PRKN: variants seen among roughly 807,000 people sequenced by gnomAD.
The protein encoded by PRKN is parkin RBR E3 ubiquitin protein ligase.
In PRKN, 56 loss-of-function variants were observed where a neutral mutation model predicts 59.5. The ratio of observed to expected loss-of-function variants is 0.94; its 90% confidence interval spans 0.76 to 1.18. The LOEUF (loss-of-function observed/expected upper bound fraction) is 1.18. Among genes scored for constraint, PRKN ranks in the 50% most tolerant of loss-of-function variants. PRKN has a pLI of 0.00. For synonymous variants in PRKN, 250 were observed against 222.1 expected, an observed-to-expected ratio of 1.13 and a Z score of -1.12; for missense variants, 657 against 596.4, an observed-to-expected ratio of 1.10 and a Z score of -1.06.
chr6:161,476,048 G>A (rs896663884), intron 9 of PRKN, among the ~76,000 whole-genome samples: 1 of 151,878 alleles, frequency 6.6e-6, no homozygotes, highest in African/African-American at 2.4e-5. Context: ...TTAGCCGGGC[G>A]TGGTGGCGGG....
At position 162,369,362 on chromosome 6, in the gene PRKN, TATC is replaced by T. The variant is rs144603300; in HGVS notation, c.171+73945_171+73947del. Among the ~76,000 whole-genome samples the T allele has an allele frequency of 1.9e-3, 292 of 152,270 alleles. 1 individual carries two copies. The highest frequency in any genetic ancestry group is 6.6e-3 in the African/African-American group (275 of 41,564). ...CTAAGAAAACTCTAGTTCTATGAAA[TATC>T]ATTCCACCTGAGAAAATTTTCACAT... is the stretch of plus-strand genomic sequence containing the variant. On this transcript the variant is annotated intron_variant, in intron 2 of 11. Transcript: ENST00000366898.
At chr6:162,397,640 C>A (rs1787542206) in intron 2 of PRKN, among the ~76,000 whole-genome samples, 1 of 152,090 alleles carries the variant, frequency 6.6e-6, no homozygotes, top group African/African-American at 2.4e-5. Flanking sequence ...TTAAGGAGGT[C>A]TAGAAAAGCT....
At chr6:162,372,903 T>C (rs1336935802) in intron 2 of PRKN, among the ~76,000 whole-genome samples, 1 of 152,200 alleles carries the variant, frequency 6.6e-6, no homozygotes, top group African/African-American at 2.4e-5. Context: ...ACTGAGTATG[T>C]AGAATGGAAG....
rs558649701 is a variant in PRKN, at chr6:161,460,300, C to T, written c.1084-73423G>A. Among the ~76,000 whole-genome samples, 3 of 152,168 alleles carry T rather than the reference C, an allele frequency of 2.0e-5. No homozygotes were observed. Among genetic ancestry groups the T allele is most frequent in the Admixed American group, 1.3e-4 (2 of 15,288 alleles). On this transcript the variant is annotated intron_variant, in intron 9 of 11. Transcript: ENST00000366898. The surrounding 1 kb of genome is among the most constrained non-coding windows in gnomAD (Gnocchi z 5.0). The stretch of plus-strand genomic sequence containing the variant: ...TGTTTACAGAGGAGAGTGCCTTTGA[C>T]CAAGATCTTGAAAAGTGGGTTAGAT...
intron 4 of PRKN, among the ~76,000 whole-genome samples, chr6:162,167,999 T>C (rs1005626350): frequency 2.0e-5 from 3 of 152,152 alleles, no homozygotes; most frequent in Admixed American, 2.0e-4. Flanking sequence ...CACATGACAT[T>C]TATTGAGATG....
chr6:162,235,969 GAAAGA>G (rs1583243000), intron 3 of PRKN, among the ~76,000 whole-genome samples: 16 of 76,586 alleles, frequency 2.1e-4, no homozygotes, highest in Admixed American at 2.8e-4. Context: ...AAGAAAGAAA[GAAAGA>G]AAGAAAGAAA....
chr6:161,747,449 AAGAG>A (rs907565411), intron 7 of PRKN, among the ~76,000 whole-genome samples: 21 of 151,818 alleles, frequency 1.4e-4, no homozygotes, highest in South Asian at 4.2e-4. Context: ...ATTGCAGAGA[AAGAG>A]AGAGAGAGGA....
At chr6:162,577,744 C>G (rs1395790855) in intron 1 of PRKN, among the ~76,000 whole-genome samples, 1 of 152,072 alleles carries the variant, frequency 6.6e-6, no homozygotes, top group Non-Finnish European at 1.5e-5. Flanking sequence ...GCCTCAGTAA[C>G]ATAGTGAGGA....
At chr6:162,303,424 A>G (rs1408906280) in intron 2 of PRKN, among the ~76,000 whole-genome samples, 2 of 152,124 alleles carry the variant, frequency 1.3e-5, no homozygotes, top group Non-Finnish European at 2.9e-5. Flanking sequence ...TTCCTTTCAG[A>G]ACCACTTATG....
At chr6:161,916,515 C>T (rs1261216587) in intron 6 of PRKN, among the ~76,000 whole-genome samples, 1 of 152,126 alleles carries the variant, frequency 6.6e-6, no homozygotes, top group Non-Finnish European at 1.5e-5. Context: ...GAGATGTGAA[C>T]AGAATCAGGA....
intron 7 of PRKN, among the ~76,000 whole-genome samples, chr6:161,722,177 A>G (rs1031311729): frequency 1.3e-5 from 2 of 152,122 alleles, no homozygotes; most frequent in African/African-American, 4.8e-5. Context: ...AAACCAAAAA[A>G]CTATTTTCTG....
At chr6:162,478,631 T>C (rs1017360017) in intron 1 of PRKN, among the ~76,000 whole-genome samples, 1 of 152,058 alleles carries the variant, frequency 6.6e-6, no homozygotes, top group Non-Finnish European at 1.5e-5. Context: ...AGGACACATT[T>C]TAAGAATTGC....
chr6:162,224,542 T>C (rs80027091), intron 3 of PRKN, among the ~76,000 whole-genome samples: 12,747 of 152,190 alleles, frequency 0.084, 705 homozygotes, highest in African/African-American at 0.16. Context: ...CATCCACTAA[T>C]GTGCATGTGG....
chr6:162,545,720 C>A (rs1779091792), intron 1 of PRKN, among the ~76,000 whole-genome samples: 1 of 152,086 alleles, frequency 6.6e-6, no homozygotes, highest in Non-Finnish European at 1.5e-5. Context: ...TTGAATTAAT[C>A]ACAGATTATA....
chr6:161,614,015 T>C (rs529914706), intron 7 of PRKN, among the ~76,000 whole-genome samples: 49 of 152,164 alleles, frequency 3.2e-4, no homozygotes, highest in Admixed American at 8.5e-4. Context: ...GGATGTAGGA[T>C]TGAGGTCCCT....
At chr6:161,769,653 G>T (rs1164907421) in intron 7 of PRKN, among the ~76,000 whole-genome samples, 2 of 152,168 alleles carry the variant, frequency 1.3e-5, no homozygotes, top group African/African-American at 4.8e-5. Flanking sequence ...GATCTTAGGG[G>T]TGTGTGCTAT....
rs1470760777 is a variant in PRKN, at chr6:161,588,278, G to A, written c.872-18862C>T. Among the ~76,000 whole-genome samples the A allele has an allele frequency of 1.3e-5, 2 of 152,112 alleles. No individual in the cohort carries two copies. Among genetic ancestry groups the A allele is most frequent in the Admixed American group, 6.5e-5 (1 of 15,278 alleles). On this transcript the variant is annotated intron_variant, in intron 7 of 11. Coordinates refer to ENST00000366898, the MANE Select transcript of PRKN (RefSeq NM_004562.3). This position sits in a 1 kb window ranked among gnomAD's most constrained non-coding sequence, Gnocchi z 5.0. The stretch of plus-strand genomic sequence containing the variant: ...TCATGCCTATAATCCCAGCTACCTG[G>A]GAGGCTGAGGCAGGAGAATTGCCTC...
At chr6:161,478,461 A>C (rs11968004) in intron 9 of PRKN, among the ~76,000 whole-genome samples, 1,581 of 152,296 alleles carry the variant, frequency 0.01, 29 homozygotes, top group African/African-American at 0.036. Context: ...ATAGTTACAC[A>C]TGTGATAATT....
chr6:161,968,067 C>T (rs1780648606), intron 6 of PRKN, among the ~76,000 whole-genome samples: 1 of 152,054 alleles, frequency 6.6e-6, no homozygotes, highest in East Asian at 1.9e-4. Flanking sequence ...GTCACCCAGG[C>T]TGGAGTGCAG....
Sources: allele counts gnomAD v4.1 joint callset (sites outside exome capture counted in the v4.1 genomes callset), GRCh38; gene constraint gnomAD v4.1.1; non-coding constraint Gnocchi (gnomAD v3.1); transcripts MANE v1.5; gene names NCBI Gene and HGNC (gene_info 2026-07-23, HGNC 2026-07-21).